Variants in PUDP observed in about 807,000 individuals in gnomAD.
The protein encoded by PUDP is pseudouridine 5'-phosphatase, also known as pseudouridine-5'-phosphatase.
A neutral mutation model predicts 9.4 loss-of-function variants in PUDP; 8 were observed. The observed-to-expected ratio is 0.85, with a 90% CI of 0.50 to 1.53. PUDP has a LOEUF of 1.53. Ranked by LOEUF, PUDP falls within the 40% of genes most tolerant of loss-of-function variation. PUDP has a pLI of 0.00. For synonymous variants in PUDP, 99 were observed against 80.7 expected (o/e 1.23, Z -1.22); for missense variants, 188 against 189.7 (o/e 0.99, Z 0.05).
chrX:7,096,947 A>G (rs1479833374), intron 2 of PUDP, among the ~76,000 whole-genome samples: 1 of 111,472 alleles, frequency 9.0e-6, no homozygotes, highest in African/African-American at 3.3e-5. Context: ...CATGATGCGA[A>G]AAATGATGTG....
At chrX:7,071,569 G>A (rs1602748694) in intron 3 of PUDP, among the ~76,000 whole-genome samples, 1 of 110,817 alleles carries the variant, frequency 9.0e-6, no homozygotes, top group East Asian at 2.8e-4. Context: ...CTGTAAAAAC[G>A]CTGAGCATTT....
intron 3 of PUDP, among the ~76,000 whole-genome samples, chrX:7,052,700 T>C (rs1420436797): frequency 8.9e-6 from 1 of 112,163 alleles, no homozygotes; most frequent in Non-Finnish European, 1.9e-5. Flanking sequence ...ATGTGAATGC[T>C]ACCTTACTTT....
chrX:7,030,483 A>G (rs1349731595), intron 1 of PUDP, among the ~76,000 whole-genome samples: 2 of 111,877 alleles, frequency 1.8e-5, no homozygotes. Context: ...GAGTATTTCC[A>G]GGAGAATGGC....
At chrX:6,883,771 T>C (rs1927382980) in intron 3 of PUDP, among the ~76,000 whole-genome samples, 1 of 112,063 alleles carries the variant, frequency 8.9e-6, no homozygotes, top group Non-Finnish European at 1.9e-5. Flanking sequence ...TTAATGCCTA[T>C]GAGTAATAGA....
intron 3 of PUDP, among the ~76,000 whole-genome samples, chrX:6,816,368 T>C (rs1283768774): frequency 9.6e-6 from 1 of 104,131 alleles, no homozygotes; most frequent in Non-Finnish European, 1.9e-5. Context: ...ATAGTACATA[T>C]ACTATATACT....
intron 2 of PUDP, among the ~76,000 whole-genome samples, chrX:7,094,501 C>T (rs1000744072): frequency 2.2e-4 from 24 of 110,027 alleles, no homozygotes; most frequent in African/African-American, 7.0e-4. Context: ...GGACTACAGG[C>T]GCCTGCCACC....
intron 3 of PUDP, among the ~76,000 whole-genome samples, chrX:6,929,248 G>A (rs1928153257): frequency 8.9e-6 from 1 of 112,830 alleles, no homozygotes; most frequent in Admixed American, 9.4e-5. Context: ...CTAAATGTGA[G>A]TGACCAATGG....
intron 3 of PUDP, among the ~76,000 whole-genome samples, chrX:6,926,293 G>A (rs1006650244): frequency 3.6e-5 from 4 of 112,085 alleles, no homozygotes; most frequent in Admixed American, 9.5e-5. Flanking sequence ...TTCCGCACCC[G>A]TAGCTGCCTC....
At chrX:7,012,842 A>G (rs1053623925) in intron 1 of PUDP, among the ~76,000 whole-genome samples, 6 of 110,833 alleles carry the variant, frequency 5.4e-5, no homozygotes, top group African/African-American at 2.0e-4. Flanking sequence ...TCCTCTGTTG[A>G]TCTCAAAGGC....
chrX:6,933,246 A>C (rs1353917005), intron 3 of PUDP, among the ~76,000 whole-genome samples: 1 of 109,516 alleles, frequency 9.1e-6, no homozygotes, highest in Non-Finnish European at 1.9e-5. Context: ...CAGTAGGGGC[A>C]GACTGACACT....
At chrX:7,071,140 T>C (rs915729797) in intron 3 of PUDP, among the ~76,000 whole-genome samples, 7 of 112,138 alleles carry the variant, frequency 6.2e-5, no homozygotes, top group African/African-American at 2.3e-4. Flanking sequence ...TTTTTAAATC[T>C]AGGAAAGAGT....
chrX:6,924,738 G>T lies in PUDP; in HGVS notation c.*247+52395C>A, dbSNP rs764819437. On this transcript the variant is annotated intron_variant and NMD_transcript_variant, in intron 3 of 3. Coordinates refer to the PUDP transcript ENST00000655425. Reference sequence around the variant, plus strand: ...AAGCTTTGGAACATTTCAAATTTTGGATTTGAGGATTAGGGATATTCAACC... The same window carrying T: ...AAGCTTTGGAACATTTCAAATTTTGTATTTGAGGATTAGGGATATTCAACC... Among the ~76,000 whole-genome samples, 3 of 112,179 alleles carry T rather than the reference G, an allele frequency of 2.7e-5. No individual in the cohort carries two copies. In the East Asian group the frequency reaches 8.4e-4, roughly 31 times the overall value.
chrX:6,779,832 G>A (rs1180884275), intron 3 of PUDP, among the ~76,000 whole-genome samples: 1 of 110,914 alleles, frequency 9.0e-6, no homozygotes, highest in African/African-American at 3.3e-5. Context: ...GGAGGCTGAG[G>A]CAGAAGTTCA....
intron 1 of PUDP, among the ~76,000 whole-genome samples, chrX:6,996,490 G>A (rs1929251103): frequency 9.2e-6 from 1 of 109,103 alleles, no homozygotes; most frequent in Non-Finnish European, 1.9e-5. Context: ...TGGAATGGCT[G>A]TGGTCTTTTC....
At chrX:7,136,623 T>C (rs1264229465) in intron 1 of PUDP, among the ~76,000 whole-genome samples, 5 of 111,362 alleles carry the variant, frequency 4.5e-5, no homozygotes, top group African/African-American at 9.8e-5. Flanking sequence ...TTAAAAAATA[T>C]ATAGACAGAG....
At chrX:6,794,263 A>C (rs1409409932) in intron 3 of PUDP, among the ~76,000 whole-genome samples, 1 of 112,561 alleles carries the variant, frequency 8.9e-6, no homozygotes, top group East Asian at 2.8e-4. Context: ...CCTAGGCTAC[A>C]AGCCTCTACA....
chrX:7,097,064 G>A lies in PUDP; in HGVS notation c.280+8556C>T, dbSNP rs767667994. On this transcript the variant is annotated intron_variant, in intron 2 of 3. Coordinates refer to ENST00000381077, the MANE Select transcript of PUDP (RefSeq NM_012080.5). ...ACACACACACTCCAAAGAATGTTCC[G>A]TCTGGACACCTCATGGCCCAGTCAA... Among the ~76,000 whole-genome samples the A allele has an allele frequency of 8.1e-5, 9 of 111,372 alleles. 1 individual carries two copies. In the South Asian group the frequency reaches 3.4e-3, roughly 43 times the overall value.
At chrX:6,999,187 G>C (rs1387684678) in intron 1 of PUDP, among the ~76,000 whole-genome samples, 2 of 111,255 alleles carry the variant, frequency 1.8e-5, no homozygotes, top group Non-Finnish European at 3.8e-5. Context: ...AGACCACCAT[G>C]TGAGTACTTC....
At chrX:7,072,532 C>T (rs1199249887) in intron 3 of PUDP, among the ~76,000 whole-genome samples, 1 of 111,534 alleles carries the variant, frequency 9.0e-6, no homozygotes. Flanking sequence ...AATTGATTTC[C>T]AGCCGGAACA....
Sources: allele counts gnomAD v4.1 joint callset (sites outside exome capture counted in the v4.1 genomes callset), GRCh38; gene constraint gnomAD v4.1.1; transcripts MANE v1.5; gene names NCBI Gene and HGNC (gene_info 2026-07-23, HGNC 2026-07-21).